The following TNC variants were observed in gnomAD, a reference collection of about 807,000 sequenced individuals.
The protein encoded by TNC is tenascin.
A neutral mutation model predicts 202.4 loss-of-function variants in TNC; 109 were observed. The observed-to-expected ratio is 0.54, with a 90% CI of 0.46 to 0.63. TNC has a LOEUF of 0.63. Ranked by LOEUF, TNC falls within the 30% of genes least tolerant of loss-of-function variation. TNC has a pLI of 0.00. For missense variants in TNC, 2,756 were observed against 2,833.3 expected, an observed-to-expected ratio of 0.97 and a Z score of 0.62; for synonymous variants, 1,007 against 1,089.7, an observed-to-expected ratio of 0.92 and a Z score of 1.50.
intron 10 of TNC, among the ~76,000 whole-genome samples, chr9:115,066,683 G>A (rs776196275): frequency 3.3e-5 from 5 of 152,206 alleles, no homozygotes; most frequent in Admixed American, 1.3e-4. Flanking sequence ...TAGTCAGCAA[G>A]CTAACAACAG....
At position 115,086,104 on chromosome 9, in the gene TNC, C is replaced by A; in HGVS notation, c.1627G>T (p.Val543Leu). The change falls in exon 3 of 28, where the codon GTG (valine) becomes TTG (leucine). Residue 543 changes from valine to leucine, a missense_variant. Coordinates refer to ENST00000350763, the MANE Select transcript of TNC (RefSeq NM_002160.4). ...TCATGGCACACGCACTGCCCATTCACACAGCGACCCTGGCCATGGCAGTCA... is the reference window on the plus strand; with the variant it reads ...TCATGGCACACGCACTGCCCATTCAAACAGCGACCCTGGCCATGGCAGTCA... ...PNDCHGQGRC[V>L]NGQCVCHEGF... 1 of 1,613,568 alleles carries A rather than the reference C, an allele frequency of 6.2e-7. No homozygotes were observed. The highest frequency in any genetic ancestry group is 8.5e-7 in the Non-Finnish European group (1 of 1,179,564).
chr9:115,076,960 C>T (rs1020101966), intron 7 of TNC, among the ~76,000 whole-genome samples: 11 of 152,162 alleles, frequency 7.2e-5, no homozygotes, highest in African/African-American at 2.4e-4. Flanking sequence ...TGTGTTGGTG[C>T]GATCTCGGCT....
At position 115,064,840 on chromosome 9, in the gene TNC, G is replaced by A. The variant is rs150392745; in HGVS notation, c.3294C>T (p.Asp1098=). The change falls in exon 11 of 28, where the codon GAC becomes GAT. Residue 1098 remains aspartate, a synonymous_variant. Transcript: ENST00000350763. The stretch of plus-strand genomic sequence containing the variant: ...GAATGATAAAGTGCTCATAGGCCTG[G>A]TCAGCTGCGGTCCAGTTGAGTCTGA... ...DGLRLNWTAA[D]QAYEHFIIQV... The A allele has an allele frequency of 3.5e-5, 57 of 1,614,122 alleles. No homozygotes were observed. In the African/African-American group the frequency reaches 7.3e-4, roughly 21 times the overall value.
At chr9:115,116,586 G>A (rs1174107424) in intron 1 of TNC, among the ~76,000 whole-genome samples, 1 of 152,174 alleles carries the variant, frequency 6.6e-6, no homozygotes, top group Non-Finnish European at 1.5e-5. Context: ...ACATGAAAAA[G>A]AGGCATTCAT....
intron 10 of TNC, among the ~76,000 whole-genome samples, chr9:115,066,198 G>A (rs1588109475): frequency 1.3e-5 from 2 of 152,126 alleles, no homozygotes; most frequent in African/African-American, 2.4e-5. Context: ...TTCATCTCGC[G>A]AATGCACGAA....
At chr9:115,040,432 C>T (rs1830644298) in intron 19 of TNC, among the ~76,000 whole-genome samples, 1 of 152,200 alleles carries the variant, frequency 6.6e-6, no homozygotes, top group South Asian at 2.1e-4. Context: ...TTGAGGGACA[C>T]TCACAAGGGT....
In TNC at chr9:115,064,077, G is replaced by A. The variant is rs751481918; in HGVS notation, c.3488-9C>T. Reference sequence around the variant, plus strand: ...CAAATTGGGAGTTTCCCCTGGAGAAGGACAAAGAACTAGTTTAGTGATCAA... The same window carrying A: ...CAAATTGGGAGTTTCCCCTGGAGAAAGACAAAGAACTAGTTTAGTGATCAA... On this transcript the variant is annotated splice_polypyrimidine_tract_variant and intron_variant, in intron 11 of 27. Coordinates refer to ENST00000350763, the MANE Select transcript of TNC (RefSeq NM_002160.4). 104 of 1,596,422 alleles carry A rather than the reference G, an allele frequency of 6.5e-5. No homozygotes were observed. The highest frequency in any genetic ancestry group is 1.7e-4 in the Middle Eastern group (1 of 6,016).
intron 1 of TNC, among the ~76,000 whole-genome samples, chr9:115,104,196 A>G (rs548045715): frequency 6.6e-6 from 1 of 152,356 alleles, no homozygotes; most frequent in Admixed American, 6.5e-5. Context: ...GACCTCTTCT[A>G]TTTTGGTCTT....
At position 115,087,583 on chromosome 9, in the gene TNC, G is replaced by A. The variant is rs181732415; in HGVS notation, c.458-310C>T. 6.0e-3 allele frequency among the ~76,000 whole-genome samples: 907 copies of A among 150,026 alleles called. 10 individuals are homozygous for A. Among genetic ancestry groups the A allele is most frequent in the African/African-American group, 0.021 (871 of 40,676 alleles). On this transcript the variant is annotated intron_variant, in intron 2 of 27. Transcript: ENST00000350763. ...GTGTGTGTATTTCCACCCCTGGGGA[G>A]CGGATTCATAGTTTTTGTCACATTT...
chr9:115,090,602 T>C lies in TNC; in HGVS notation c.417A>G (p.Gln139=), dbSNP rs1262479985. ...LENLVSSLRE[Q]CTAGAGCCLQ... Reference sequence around the variant, plus strand: ...GACAGCAGCCTGCTCCTGCAGTACATTGCTCCCTCAGGGAAGACACCAGGT... The same window carrying C: ...GACAGCAGCCTGCTCCTGCAGTACACTGCTCCCTCAGGGAAGACACCAGGT... The change falls in exon 2 of 28, where the codon CAA becomes CAG. Residue 139 remains glutamine, a synonymous_variant. Transcript: ENST00000350763. 6.3e-7 allele frequency: 1 copy of C among 1,598,542 alleles called. No individual in the cohort carries two copies. Among genetic ancestry groups the C allele is most frequent in the African/African-American group, 1.3e-5 (1 of 74,654 alleles).
chr9:115,023,713 C>CT (rs1430390539), intron 27 of TNC, among the ~76,000 whole-genome samples: 1 of 152,190 alleles, frequency 6.6e-6, no homozygotes, highest in African/African-American at 2.4e-5. Context: ...GAGATTTTGT[C>CT]TGAGTAAAGC....
At chr9:115,023,080 A>G (rs1373861628) in intron 27 of TNC, among the ~76,000 whole-genome samples, 2 of 151,596 alleles carry the variant, frequency 1.3e-5, no homozygotes, top group African/African-American at 4.9e-5. Context: ...GCCTGAGATC[A>G]TTGAATCAGA....
At chr9:115,078,587 T>C (rs1834063219) in intron 6 of TNC, among the ~76,000 whole-genome samples, 3 of 152,108 alleles carry the variant, frequency 2.0e-5, no homozygotes, top group Admixed American at 2.0e-4. Context: ...TTTGAAAAGA[T>C]GAACTTAGTC....
At chr9:115,088,913 C>A (rs1405267318) in intron 2 of TNC, among the ~76,000 whole-genome samples, 1 of 151,796 alleles carries the variant, frequency 6.6e-6, no homozygotes, top group African/African-American at 2.4e-5. Flanking sequence ...GCTGAAAAAC[C>A]AATATTTTGG....
chr9:115,102,437 G>T (rs1335412690), intron 1 of TNC, among the ~76,000 whole-genome samples: 1 of 152,152 alleles, frequency 6.6e-6, no homozygotes, highest in Non-Finnish European at 1.5e-5. Context: ...ATTCAGCGAG[G>T]GTTCCAGATG....
intron 1 of TNC, among the ~76,000 whole-genome samples, chr9:115,109,497 C>T (rs1836875714): frequency 6.6e-6 from 1 of 152,176 alleles, no homozygotes; most frequent in African/African-American, 2.4e-5. Flanking sequence ...GGGCTGTGAG[C>T]TTCTCCATGT....
In TNC at chr9:115,024,249, C is replaced by T; in HGVS notation, c.6332-113G>A. The T allele has an allele frequency of 4.6e-6, 5 of 1,077,226 alleles. No individual in the cohort carries two copies. In the South Asian group the frequency reaches 7.7e-5, roughly 17 times the overall value. The allele number at this position is 1,077,226 out of a possible 1,614,324, so 66.7% of individuals were successfully genotyped here. ...GAAAGGTTCTGGGTGTGGGACTGGC[C>T]TTGAACATTGATCCCAGAGTCAGCA... is the stretch of plus-strand genomic sequence containing the variant. On this transcript the variant is annotated intron_variant, in intron 26 of 27. Coordinates refer to ENST00000350763, the MANE Select transcript of TNC (RefSeq NM_002160.4).
intron 10 of TNC, among the ~76,000 whole-genome samples, chr9:115,071,240 T>C (rs1214751541): frequency 2.0e-5 from 3 of 152,200 alleles, no homozygotes; most frequent in African/African-American, 7.2e-5. Flanking sequence ...ATGAAACATA[T>C]ATATTTTTTC....
intron 22 of TNC, among the ~76,000 whole-genome samples, chr9:115,032,689 T>C (rs1408726395): frequency 6.6e-6 from 1 of 152,178 alleles, no homozygotes; most frequent in African/African-American, 2.4e-5. Flanking sequence ...AGGAGATGAT[T>C]ATAATAGCCC....
Sources: allele counts gnomAD v4.1 joint callset (sites outside exome capture counted in the v4.1 genomes callset), GRCh38; gene constraint gnomAD v4.1.1; transcripts MANE v1.5; gene names NCBI Gene and HGNC (gene_info 2026-07-23, HGNC 2026-07-21).